BCAS3: variants seen among roughly 807,000 people sequenced by gnomAD.
BCAS3 encodes the protein BCAS4/BCAS3 fusion.
A neutral mutation model predicts 116.1 loss-of-function variants in BCAS3; 53 were observed. The observed-to-expected ratio is 0.46, with a 90% CI of 0.37 to 0.57. BCAS3 has a LOEUF of 0.57. Among genes scored for constraint, BCAS3 ranks in the 20% least tolerant of loss-of-function variants. The pLI is 0.00. For missense variants in BCAS3, 917 were observed against 1,165.4 expected, an observed-to-expected ratio of 0.79 and a Z score of 3.10; for synonymous variants, 391 against 408.2, an observed-to-expected ratio of 0.96 and a Z score of 0.51.
intron 19 of BCAS3, 81 bp from the exon 20 acceptor site, chr17:61,074,839 G>A (rs925275005): frequency 3.1e-5 from 25 of 798,394 alleles, no homozygotes; most frequent in Non-Finnish European, 4.8e-5. Context: ...AATTACCATA[G>A]TATCCAAAAT....
In BCAS3 at chr17:61,388,720, C is replaced by G; in HGVS notation, c.2594-3257C>G. 1 of 1,543,460 alleles carries G rather than the reference C, an allele frequency of 6.5e-7. No homozygotes were observed. The highest frequency in any genetic ancestry group is 1.9e-5 in the Admixed American group (1 of 51,764). Reference sequence around the variant, plus strand: ...CGGGATGGAGGAAGGTAAGGCCACACGTTTCCATTTGCCGCTTGCTCGTAG... The same window carrying G: ...CGGGATGGAGGAAGGTAAGGCCACAGGTTTCCATTTGCCGCTTGCTCGTAG... On this transcript the variant is annotated intron_variant, in intron 23 of 23. Transcript: ENST00000407086. The surrounding 1 kb of genome is among the most constrained non-coding windows in gnomAD (Gnocchi z 6.5).
At position 61,261,138 on chromosome 17, in the gene BCAS3, T is replaced by G. The variant is rs571759127; in HGVS notation, c.2426-107189T>G. On this transcript the variant is annotated intron_variant, in intron 22 of 23. Transcript: ENST00000407086. The surrounding 1 kb of genome is among the most constrained non-coding windows in gnomAD (Gnocchi z 4.4). ...AGACTGAGGTGCCCCCATCAGAATATAAAGAGTCAGAAACTTAAAACCAGA... is the reference window on the plus strand; with the variant it reads ...AGACTGAGGTGCCCCCATCAGAATAGAAAGAGTCAGAAACTTAAAACCAGA... Among the ~76,000 whole-genome samples, 1 of 152,278 alleles carries G rather than the reference T, an allele frequency of 6.6e-6. No homozygotes were observed. The highest frequency in any genetic ancestry group is 2.1e-4 in the South Asian group (1 of 4,826).
intron 14 of BCAS3, among the ~76,000 whole-genome samples, chr17:60,985,177 C>T (rs1163569140): frequency 1.3e-4 from 18 of 135,910 alleles, no homozygotes; most frequent in African/African-American, 4.4e-4. Context: ...CAGAGTTTCA[C>T]TCTTGCTGCC....
chr17:60,891,717 AG>A (rs1193707569), intron 10 of BCAS3: 1 of 455,866 alleles, frequency 2.2e-6, no homozygotes, highest in East Asian at 6.9e-5. Context: ...ATATTGTGTA[AG>A]GGTGGGGATT....
In BCAS3 at chr17:61,392,779, C is replaced by T. The variant is rs1211082607; in HGVS notation, c.*654C>T. The T allele has an allele frequency of 6.6e-6, 1 of 152,316 alleles. No homozygotes were observed. Among genetic ancestry groups the T allele is most frequent in the Non-Finnish European group, 1.5e-5 (1 of 68,172 alleles). The allele number at this position is 152,316 out of a possible 1,614,324, so 9.4% of individuals were successfully genotyped here. A position where few individuals can be genotyped will look rare whatever the true frequency, so the allele number is the denominator to read the frequency against. ...TGAAGGAAACCGTGGTTACTGAGGC[C>T]CTGTTGAAAAGTGCACGTCTTGTCC... On this transcript the variant is annotated 3_prime_UTR_variant, in exon 24 of 24. Transcript: ENST00000407086. This position sits in a 1 kb window ranked among gnomAD's most constrained non-coding sequence, Gnocchi z 6.4.
At chr17:60,814,394 A>T (rs1362841820) in intron 7 of BCAS3, among the ~76,000 whole-genome samples, 2 of 150,990 alleles carry the variant, frequency 1.3e-5, no homozygotes, top group Non-Finnish European at 2.9e-5. Context: ...TACTGATTTT[A>T]CTACCTTTAT....
In BCAS3 at chr17:61,188,983, G is replaced by A. The variant is rs1374004314; in HGVS notation, c.2425+104419G>A. On this transcript the variant is annotated intron_variant, in intron 22 of 23. Coordinates refer to ENST00000407086, the MANE Select transcript of BCAS3 (RefSeq NM_017679.5). The surrounding 1 kb of genome is among the most constrained non-coding windows in gnomAD (Gnocchi z 4.0). ...CCGGGCGTGATGGTGCATGCCTATA[G>A]TCCCAGCTACTTGGGAGGTTAAAGC... 6.6e-6 allele frequency among the ~76,000 whole-genome samples: 1 copy of A among 152,100 alleles called. No individual in the cohort carries two copies. The highest frequency in any genetic ancestry group is 1.5e-5 in the Non-Finnish European group (1 of 68,018).
chr17:61,164,875 C>T (rs1333717765), intron 22 of BCAS3, among the ~76,000 whole-genome samples: 1 of 152,214 alleles, frequency 6.6e-6, no homozygotes, highest in Non-Finnish European at 1.5e-5. Flanking sequence ...GGATAAGATA[C>T]CTGTTCATTC....
chr17:61,277,374 G>A (rs1192818732), intron 22 of BCAS3, among the ~76,000 whole-genome samples: 1 of 150,902 alleles, frequency 6.6e-6, no homozygotes, highest in Non-Finnish European at 1.5e-5. Context: ...CTAAATGTAA[G>A]AGGTGAAGCT....
chr17:61,300,076 G>A lies in BCAS3; in HGVS notation c.2426-68251G>A, dbSNP rs2053306659. 6.6e-6 allele frequency among the ~76,000 whole-genome samples: 1 copy of A among 152,184 alleles called. No homozygotes were observed. ...AAATCAGTTTATTAAAATTGTAAATGTAACCCAGAGCTGTTTAGTACAGTA... is the reference window on the plus strand; with the variant it reads ...AAATCAGTTTATTAAAATTGTAAATATAACCCAGAGCTGTTTAGTACAGTA... On this transcript the variant is annotated intron_variant, in intron 22 of 23. Transcript: ENST00000407086. This position sits in a 1 kb window ranked among gnomAD's most constrained non-coding sequence, Gnocchi z 5.1.
Position 61,239,617 on chromosome 17 carries a change from A to G in BCAS3, c.2426-128710A>G, listed in dbSNP as rs2083311620. Among the ~76,000 whole-genome samples the G allele has an allele frequency of 6.6e-6, 1 of 152,236 alleles. No individual in the cohort carries two copies. The highest frequency in any genetic ancestry group is 6.5e-5 in the Admixed American group (1 of 15,282). On this transcript the variant is annotated intron_variant, in intron 22 of 23. Transcript: ENST00000407086. This position sits in a 1 kb window ranked among gnomAD's most constrained non-coding sequence, Gnocchi z 4.2. ...TCATGTTTCAATGTGTTAATGTTTT[A>G]GGAGTAGCAGAGGATAACATGCAAC... is the stretch of plus-strand genomic sequence containing the variant.
chr17:61,304,753 A>G (rs547218011), intron 22 of BCAS3, among the ~76,000 whole-genome samples: 3 of 150,100 alleles, frequency 2.0e-5, no homozygotes, highest in Admixed American at 1.3e-4. Flanking sequence ...TTTCCTTCCC[A>G]ATCCTTTTTT....
intron 22 of BCAS3, among the ~76,000 whole-genome samples, chr17:61,197,256 A>G (rs950067218): frequency 6.6e-6 from 1 of 152,198 alleles, no homozygotes; most frequent in African/African-American, 2.4e-5. Context: ...ATTATCTAGA[A>G]AAGGGCCGCT....
chr17:61,039,705 G>A (rs1429739186), intron 18 of BCAS3, among the ~76,000 whole-genome samples: 1 of 152,184 alleles, frequency 6.6e-6, no homozygotes, highest in Non-Finnish European at 1.5e-5. Context: ...ACAGGCGTGA[G>A]CCACCGCGCC....
rs765618531 is a variant in BCAS3, at chr17:61,015,907, G to T, written c.1637+6G>T. ...ACCATCACCAAACGAACCGGGTAAG[G>T]CCTTAGACTTGATGCTTTTTTAACA... On this transcript the variant is annotated splice_donor_region_variant and intron_variant, in intron 16 of 23. Coordinates refer to ENST00000407086, the MANE Select transcript of BCAS3 (RefSeq NM_017679.5). 2 of 1,610,966 alleles carry T rather than the reference G, an allele frequency of 1.2e-6. No individual in the cohort carries two copies. Among genetic ancestry groups the T allele is most frequent in the Non-Finnish European group, 1.7e-6 (2 of 1,178,374 alleles).
chr17:60,796,527 G>C (rs2047227910), intron 6 of BCAS3, among the ~76,000 whole-genome samples: 1 of 152,158 alleles, frequency 6.6e-6, no homozygotes, highest in Non-Finnish European at 1.5e-5. Context: ...GTTCATAGTA[G>C]TCTTGGATGA....
chr17:60,786,310 C>T (rs935804075), intron 6 of BCAS3, among the ~76,000 whole-genome samples: 11 of 152,020 alleles, frequency 7.2e-5, no homozygotes, highest in Non-Finnish European at 1.3e-4. Flanking sequence ...GTGTGTCCTT[C>T]GGCTTTTAGC....
At chr17:61,350,414 C>CAGTAAATAAATA (rs137912275) in intron 22 of BCAS3, among the ~76,000 whole-genome samples, 45 of 136,760 alleles carry the variant, frequency 3.3e-4, no homozygotes, top group African/African-American at 1.2e-3. Context: ...GACTCTGTCT[C>CAGTAAATAAATA]AATAAATAAA....
chr17:60,836,121 A>G (rs1256537915), intron 7 of BCAS3, among the ~76,000 whole-genome samples: 1 of 152,150 alleles, frequency 6.6e-6, no homozygotes, highest in African/African-American at 2.4e-5. Context: ...AGCCTCTGCC[A>G]TTATCAACAG....
Sources: gnomAD v4.1 joint callset for allele counts (sites outside exome capture counted in the v4.1 genomes callset) on GRCh38, gnomAD v4.1.1 for gene constraint, Gnocchi (gnomAD v3.1) non-coding constraint, MANE v1.5 for transcripts, NCBI Gene and HGNC (gene_info 2026-07-23, HGNC 2026-07-21) for gene names.